SUCLG2: variants seen among roughly 807,000 people sequenced by gnomAD.
SUCLG2 encodes succinate--CoA ligase [GDP-forming] subunit beta, mitochondrial.
A neutral mutation model predicts 47.9 loss-of-function variants in SUCLG2; 42 were observed. That is an observed-to-expected ratio of 0.88 (90% CI 0.69 to 1.14). SUCLG2 has a LOEUF of 1.14. Among genes scored for constraint, SUCLG2 ranks in the 50% most tolerant of loss-of-function variants. The pLI is 0.00. For missense variants in SUCLG2, 571 were observed against 525.9 expected, an observed-to-expected ratio of 1.09 and a Z score of -0.84; for synonymous variants, 195 against 197.3, an observed-to-expected ratio of 0.99 and a Z score of 0.10.
chr3:67,384,797 T>C (rs1173348600), intron 10 of SUCLG2, among the ~76,000 whole-genome samples: 1 of 152,228 alleles, frequency 6.6e-6, no homozygotes, highest in Non-Finnish European at 1.5e-5. Flanking sequence ...ATAGAACTCT[T>C]TTTCCACTGA....
At chr3:67,629,101 A>T (rs1700884223) in intron 1 of SUCLG2, among the ~76,000 whole-genome samples, 1 of 152,336 alleles carries the variant, frequency 6.6e-6, no homozygotes, top group Non-Finnish European at 1.5e-5. Context: ...GCTGAATATG[A>T]AGAGAGGCTG....
At chr3:67,467,830 T>A (rs569335101) in intron 9 of SUCLG2, among the ~76,000 whole-genome samples, 1 of 152,240 alleles carries the variant, frequency 6.6e-6, no homozygotes, top group South Asian at 2.1e-4. Context: ...AGGAGTTAAC[T>A]CACTTGGGAA....
At chr3:67,654,469 T>G in intron 1 of SUCLG2, 34 bp downstream of exon 1, 1 of 1,228,516 alleles carries the variant, frequency 8.1e-7, no homozygotes. Context: ...CCGGCGCCGC[T>G]GCTGGCGCCC....
At chr3:67,493,371 C>A (rs1376152085) in intron 9 of SUCLG2, among the ~76,000 whole-genome samples, 2 of 152,058 alleles carry the variant, frequency 1.3e-5, no homozygotes, top group Non-Finnish European at 2.9e-5. Context: ...AAAATAACTC[C>A]CACATACCTT....
intron 2 of SUCLG2, among the ~76,000 whole-genome samples, chr3:67,595,959 A>G (rs1323875022): frequency 6.6e-6 from 1 of 152,240 alleles, no homozygotes; most frequent in Non-Finnish European, 1.5e-5. Context: ...GTGTCTCCTA[A>G]GACATCAGGA....
chr3:67,430,443 TTAAAGCA>T (rs1703445321), intron 9 of SUCLG2, among the ~76,000 whole-genome samples: 1 of 152,064 alleles, frequency 6.6e-6, no homozygotes, highest in Non-Finnish European at 1.5e-5. Flanking sequence ...TGAGACACAC[TTAAAGCA>T]GTGCATAGAG....
intron 1 of SUCLG2, among the ~76,000 whole-genome samples, chr3:67,613,805 A>G (rs2242022): frequency 0.49 from 74,185 of 152,060 alleles, 19,018 homozygotes; most frequent in African/African-American, 0.64. Flanking sequence ...TTCTGGATCA[A>G]CTGGGTAACA....
rs543684998 is a variant in SUCLG2 at position 67,544,480 on chromosome 3, C to T, written c.227-15294G>A. ...TCCCAGCTTGTGAAGAAAGTGCTTG[C>T]TTCCCCTTCGCCTTCCACCATGATT... On this transcript the variant is annotated intron_variant, in intron 2 of 10. Coordinates refer to ENST00000307227, the MANE Select transcript of SUCLG2 (RefSeq NM_003848.4). Among the ~76,000 whole-genome samples the T allele has an allele frequency of 4.6e-5, 7 of 152,264 alleles. No homozygotes were observed. The East Asian group carries it at 1.4e-3, about 29-fold the overall frequency.
chr3:67,616,858 C>G (rs9683084), intron 1 of SUCLG2, among the ~76,000 whole-genome samples: 1 of 152,084 alleles, frequency 6.6e-6, no homozygotes, highest in East Asian at 1.9e-4. Context: ...AACCTCACTT[C>G]GAGCTCTCAA....
chr3:67,421,085 C>G (rs1464520274), intron 9 of SUCLG2, among the ~76,000 whole-genome samples: 3 of 152,176 alleles, frequency 2.0e-5, no homozygotes, highest in Admixed American at 6.5e-5. Flanking sequence ...CACTGGAGAT[C>G]ACAGAGGTTA....
chr3:67,451,239 ACTTTACTCAT>A lies in SUCLG2; in HGVS notation c.1062+44549_1062+44558del, dbSNP rs376696953. The stretch of plus-strand genomic sequence containing the variant: ...CATTTCCTACACTTCCTTCATCCAA[ACTTTACTCAT>A]CTGTTTAGACCTAACTCAAATGCCA... On this transcript the variant is annotated intron_variant, in intron 9 of 10. Coordinates refer to ENST00000307227, the MANE Select transcript of SUCLG2 (RefSeq NM_003848.4). 1.3e-5 allele frequency among the ~76,000 whole-genome samples: 2 copies of A among 152,178 alleles called. 1 individual carries two copies. Among genetic ancestry groups the A allele is most frequent in the African/African-American group, 4.8e-5 (2 of 41,516 alleles).
chr3:67,432,634 C>T (rs900567566), intron 9 of SUCLG2, among the ~76,000 whole-genome samples: 4 of 152,162 alleles, frequency 2.6e-5, no homozygotes, highest in African/African-American at 9.7e-5. Flanking sequence ...TGACCTCTCC[C>T]GGCATAATTA....
At chr3:67,557,703 C>T (rs543282325) in intron 2 of SUCLG2, among the ~76,000 whole-genome samples, 6 of 152,216 alleles carry the variant, frequency 3.9e-5, no homozygotes, top group East Asian at 1.9e-4. Flanking sequence ...CATGGCTGAG[C>T]GGCATCAGAA....
At chr3:67,365,238 A>G (rs1418873596) in intron 10 of SUCLG2, among the ~76,000 whole-genome samples, 2 of 152,218 alleles carry the variant, frequency 1.3e-5, no homozygotes, top group African/African-American at 2.4e-5. Context: ...GGAAACTTGA[A>G]GATATAATAG....
intron 4 of SUCLG2, among the ~76,000 whole-genome samples, chr3:67,522,616 G>A (rs544477718): frequency 2.7e-5 from 4 of 150,610 alleles, no homozygotes; most frequent in Non-Finnish European, 4.4e-5. Flanking sequence ...TAAATAATCA[G>A]TAATAGATGT....
At chr3:67,422,357 CCCAGCTA>C (rs1299410369) in intron 9 of SUCLG2, among the ~76,000 whole-genome samples, 3 of 150,720 alleles carry the variant, frequency 2.0e-5, no homozygotes, top group African/African-American at 4.9e-5. Flanking sequence ...CGCCTGTAGC[CCCAGCTA>C]CTCTGGAGGC....
intron 2 of SUCLG2, among the ~76,000 whole-genome samples, chr3:67,605,778 T>C (rs2363084): frequency 0.49 from 74,730 of 151,928 alleles, 19,429 homozygotes; most frequent in African/African-American, 0.66. Flanking sequence ...CTTTATCCAG[T>C]TTGTATTTCT....
At chr3:67,510,058 A>C (rs1328043068) in intron 6 of SUCLG2, among the ~76,000 whole-genome samples, 2 of 152,214 alleles carry the variant, frequency 1.3e-5, no homozygotes, top group African/African-American at 4.8e-5. Flanking sequence ...GGAGAAGCCC[A>C]CCAGGGCTCT....
intron 1 of SUCLG2, among the ~76,000 whole-genome samples, chr3:67,633,009 T>G (rs139807242): frequency 1.3e-5 from 2 of 152,332 alleles, no homozygotes; most frequent in African/African-American, 4.8e-5. Flanking sequence ...CAAAGATATT[T>G]TATAATCCTT....
Sources: gnomAD v4.1 joint callset for allele counts (sites outside exome capture counted in the v4.1 genomes callset) on GRCh38, gnomAD v4.1.1 for gene constraint, MANE v1.5 for transcripts, NCBI Gene and HGNC (gene_info 2026-07-23, HGNC 2026-07-21) for gene names.